The following MAPK8 variants were observed in gnomAD, a reference collection of about 807,000 sequenced individuals.
MAPK8 encodes the protein mitogen-activated protein kinase 8, also known as JUN N-terminal kinase.
In MAPK8, 13 loss-of-function variants were observed where a neutral mutation model predicts 52.9. The observed-to-expected ratio is 0.25, with a 90% confidence interval of 0.16 to 0.39. MAPK8 has a LOEUF of 0.39. MAPK8 is among the 10% of genes least tolerant of loss of function. The pLI is 1.00. For missense variants in MAPK8, 300 were observed against 519.2 expected, an observed-to-expected ratio of 0.58 and a Z score of 4.10; for synonymous variants, 191 against 169.8, an observed-to-expected ratio of 1.12 and a Z score of -0.97.
intron 1 of MAPK8, among the ~76,000 whole-genome samples, chr10:48,331,197 G>A (rs4838588): frequency 0.81 from 122,760 of 152,092 alleles, 49,728 homozygotes; most frequent in Middle Eastern, 0.9. Flanking sequence ...CAGGGCAAAG[G>A]TACTTATCTG....
intron 1 of MAPK8, among the ~76,000 whole-genome samples, chr10:48,343,267 C>T (rs1845473334): frequency 6.6e-6 from 1 of 152,164 alleles, no homozygotes; most frequent in Non-Finnish European, 1.5e-5. Context: ...TTTCCTCTTC[C>T]AGCTTCTGTT....
At chr10:48,333,654 G>A (rs60051862) in intron 1 of MAPK8, among the ~76,000 whole-genome samples, 7,075 of 143,574 alleles carry the variant, frequency 0.049, 549 homozygotes, top group African/African-American at 0.17. Context: ...TAACTTGACC[G>A]GCCGGATGCA....
intron 1 of MAPK8, among the ~76,000 whole-genome samples, chr10:48,364,145 T>G (rs985314033): frequency 2.0e-5 from 3 of 152,172 alleles, no homozygotes; most frequent in Non-Finnish European, 2.9e-5. Flanking sequence ...TGTAGTAATA[T>G]TTATTTAGTG....
At position 48,329,941 on chromosome 10, in the gene MAPK8, AT is replaced by A. The variant is rs928326286; in HGVS notation, c.-50+23128del. On this transcript the variant is annotated intron_variant, in intron 1 of 11. Transcript: ENST00000374189. ...AGAGCAACAGGAAGCATTTAAAAAA[AT>A]TTTTTTTAAACTAACGGCAAATATA... Among the ~76,000 whole-genome samples, 11 of 152,254 alleles carry A rather than the reference AT, an allele frequency of 7.2e-5. 1 individual carries two copies. Among genetic ancestry groups the A allele is most frequent in the Middle Eastern group, 6.8e-3 (2 of 294 alleles).
intron 1 of MAPK8, among the ~76,000 whole-genome samples, chr10:48,379,938 T>TA (rs373050540): frequency 0.5 from 57,703 of 115,810 alleles, 14,858 homozygotes; most frequent in Middle Eastern, 0.68. Flanking sequence ...ACAAAGCTCT[T>TA]AAAAAAAAAA....
intron 10 of MAPK8, among the ~76,000 whole-genome samples, chr10:48,429,130 TA>T (rs934328222): frequency 4.6e-5 from 7 of 151,750 alleles, no homozygotes; most frequent in African/African-American, 9.7e-5. Flanking sequence ...GCCTAATTTT[TA>T]AAAAAAAATT....
At chr10:48,347,624 A>G (rs1397598856) in intron 1 of MAPK8, among the ~76,000 whole-genome samples, 2 of 152,138 alleles carry the variant, frequency 1.3e-5, no homozygotes, top group African/African-American at 4.8e-5. Context: ...TTCACCTCCC[A>G]CATAAGAGTG....
rs757034422 is a variant in MAPK8 at position 48,405,032 on chromosome 10, C to T, written c.252+51C>T. 8 of 1,323,434 alleles carry T rather than the reference C, an allele frequency of 6.0e-6. No homozygotes were observed. In the Admixed American group the frequency reaches 1.5e-4, roughly 26 times the overall value. The allele number at this position is 1,323,434 out of a possible 1,614,324, so 82.0% of individuals were successfully genotyped here. On this transcript the variant is annotated intron_variant, in intron 3 of 11. Transcript: ENST00000374189. ...AGTATAGATGAAATCAAGATTTATT[C>T]ATGAATATGTGAATATCAAAGACTA... is the stretch of plus-strand genomic sequence containing the variant.
At chr10:48,347,378 CAG>C (rs1471780469) in intron 1 of MAPK8, among the ~76,000 whole-genome samples, 3 of 152,164 alleles carry the variant, frequency 2.0e-5, no homozygotes, top group Non-Finnish European at 2.9e-5. Flanking sequence ...TGAAATAACA[CAG>C]ATACTAGAAT....
intron 1 of MAPK8, among the ~76,000 whole-genome samples, chr10:48,342,942 A>G (rs72792291): frequency 0.067 from 10,207 of 152,260 alleles, 450 homozygotes; most frequent in Middle Eastern, 0.18. Context: ...AAAGGAATAT[A>G]GAAAGAGAAG....
At chr10:48,425,129 C>T in intron 7 of MAPK8, 1 of 728,674 alleles carries the variant, frequency 1.4e-6, no homozygotes, top group South Asian at 1.5e-5. Context: ...TTTATATTAA[C>T]AGTGATTTGT....
intron 1 of MAPK8, chr10:48,325,815 T>C (rs556148920): frequency 3.9e-5 from 6 of 152,364 alleles, no homozygotes; most frequent in Non-Finnish European, 7.3e-5. Context: ...TTCTCAGATA[T>C]TCCTTTTTGT....
chr10:48,386,075 T>G (rs1464306600), intron 1 of MAPK8, among the ~76,000 whole-genome samples: 1 of 152,168 alleles, frequency 6.6e-6, no homozygotes, highest in African/African-American at 2.4e-5. Flanking sequence ...CTGGGACACT[T>G]CTCATTTGCT....
chr10:48,319,545 A>T (rs1476971169), intron 1 of MAPK8, among the ~76,000 whole-genome samples: 1 of 152,184 alleles, frequency 6.6e-6, no homozygotes, highest in South Asian at 2.1e-4. Flanking sequence ...GCTGGAGTGC[A>T]GTGGCGTGAT....
At position 48,344,380 on chromosome 10, in the gene MAPK8, G is replaced by T. The variant is rs552051500; in HGVS notation, c.-50+37559G>T. Among the ~76,000 whole-genome samples the T allele has an allele frequency of 2.0e-5, 3 of 152,256 alleles. No individual in the cohort carries two copies. The East Asian group carries it at 5.8e-4, about 29-fold the overall frequency. On this transcript the variant is annotated intron_variant, in intron 1 of 11. Transcript: ENST00000374189. ...TAAAGAGCTACTGCTGTTTAAGATGGTTGCCAGATTGGCCATCTGCTGTTT... is the reference window on the plus strand; with the variant it reads ...TAAAGAGCTACTGCTGTTTAAGATGTTTGCCAGATTGGCCATCTGCTGTTT...
At chr10:48,403,730 TTTTG>T (rs1176079524) in intron 2 of MAPK8, among the ~76,000 whole-genome samples, 1 of 150,910 alleles carries the variant, frequency 6.6e-6, no homozygotes, top group East Asian at 1.9e-4. Context: ...AGATTTTGTT[TTTTG>T]TTTTTTGTTT....
chr10:48,379,835 G>A (rs1345535585), intron 1 of MAPK8, among the ~76,000 whole-genome samples: 1 of 149,188 alleles, frequency 6.7e-6, no homozygotes, highest in African/African-American at 2.5e-5. Flanking sequence ...TCTGAAACCT[G>A]TATTCAAGAA....
intron 1 of MAPK8, among the ~76,000 whole-genome samples, chr10:48,384,669 TA>T: frequency 6.6e-6 from 1 of 152,314 alleles, no homozygotes; most frequent in African/African-American, 2.4e-5. Flanking sequence ...ACAGCCCAAA[TA>T]AAATGTACAC....
chr10:48,317,388 C>T (rs992936423), intron 1 of MAPK8, among the ~76,000 whole-genome samples: 3 of 92,774 alleles, frequency 3.2e-5, no homozygotes, highest in Non-Finnish European at 7.7e-5. Context: ...TGGTCTGAAA[C>T]TCCTGGCCTC....
Sources: allele counts gnomAD v4.1 joint callset (sites outside exome capture counted in the v4.1 genomes callset), GRCh38; gene constraint gnomAD v4.1.1; transcripts MANE v1.5; gene names NCBI Gene and HGNC (gene_info 2026-07-23, HGNC 2026-07-21).